CEP70: variants seen among roughly 807,000 people sequenced by gnomAD.
The protein encoded by CEP70 is centrosomal protein of 70 kDa.
Under a neutral mutation model 90.9 loss-of-function variants are expected in CEP70, and 70 were observed. The ratio of observed to expected loss-of-function variants is 0.77; its 90% CI spans 0.64 to 0.94. The LOEUF is 0.94. CEP70 is among the 40% of genes least tolerant of loss of function. The pLI is 0.00. For synonymous variants in CEP70, 220 were observed against 228.3 expected (o/e 0.96, Z 0.33); for missense variants, 648 against 669.0 (o/e 0.97, Z 0.35).
In CEP70 at chr3:138,562,487, G is replaced by C. The variant is rs1054335794; in HGVS notation, c.465+7831C>G. The stretch of plus-strand genomic sequence containing the variant: ...AGGTTGGGGTTACCCACAAAGGGAA[G>C]CCCATCAGACTAACACCAGATCTCT... On this transcript the variant is annotated intron_variant, in intron 6 of 17. Transcript: ENST00000264982. Among the ~76,000 whole-genome samples, 13 of 152,194 alleles carry C rather than the reference G, an allele frequency of 8.5e-5. No homozygotes were observed. In the East Asian group the frequency reaches 2.3e-3, roughly 27 times the overall value.
Position 138,552,214 on chromosome 3 carries a change from C to T in CEP70, c.466-14867G>A, listed in dbSNP as rs183435165. On this transcript the variant is annotated intron_variant, in intron 6 of 17. Transcript: ENST00000264982. The stretch of plus-strand genomic sequence containing the variant: ...ACCTAAGTAATGAGATAGACAGCAA[C>T]ACAATAATAGTGGGGGACTTCAATA... Among the ~76,000 whole-genome samples the T allele has an allele frequency of 3.1e-3, 475 of 152,182 alleles. 4 individuals carry two copies. The highest frequency in any genetic ancestry group is 0.011 in the African/African-American group (452 of 41,520).
At chr3:138,520,938 G>A (rs1471888956) in intron 11 of CEP70, among the ~76,000 whole-genome samples, 6 of 152,162 alleles carry the variant, frequency 3.9e-5, no homozygotes, top group African/African-American at 1.2e-4. Flanking sequence ...CCTGCTGAGT[G>A]CCTGGGATTG....
chr3:138,587,687 G>A (rs1037897828), intron 2 of CEP70, among the ~76,000 whole-genome samples: 2 of 152,088 alleles, frequency 1.3e-5, no homozygotes, highest in Non-Finnish European at 2.9e-5. Context: ...GGCTGAGGTG[G>A]GAAGACAACT....
intron 7 of CEP70, among the ~76,000 whole-genome samples, chr3:138,533,164 C>A (rs1193918050): frequency 1.3e-5 from 2 of 151,780 alleles, no homozygotes; most frequent in Non-Finnish European, 2.9e-5. Context: ...GCCTGTAGTC[C>A]CAGCTACTCG....
intron 6 of CEP70, among the ~76,000 whole-genome samples, chr3:138,548,248 C>T (rs1161123970): frequency 6.6e-6 from 1 of 152,216 alleles, no homozygotes; most frequent in South Asian, 2.1e-4. Flanking sequence ...TAATACACCG[C>T]ATTAGCACAA....
intron 1 of CEP70, chr3:138,592,982 C>G (rs1001397647): frequency 3.3e-5 from 5 of 152,154 alleles, no homozygotes; most frequent in Non-Finnish European, 5.9e-5. Flanking sequence ...TGAACTTACC[C>G]CAAATAGGAA....
At chr3:138,499,628 C>G (rs1164081445) in intron 16 of CEP70, among the ~76,000 whole-genome samples, 1 of 152,086 alleles carries the variant, frequency 6.6e-6, no homozygotes, top group African/African-American at 2.4e-5. Context: ...CTTAGATTGT[C>G]AAGTTACTTA....
chr3:138,578,302 G>T (rs1271304275), intron 2 of CEP70, among the ~76,000 whole-genome samples: 1 of 152,164 alleles, frequency 6.6e-6, no homozygotes, highest in African/African-American at 2.4e-5. Context: ...AAGCTGCATG[G>T]TACCAGCATC....
intron 11 of CEP70, among the ~76,000 whole-genome samples, chr3:138,512,974 ATAGT>A (rs1275041918): frequency 6.6e-5 from 10 of 152,226 alleles, no homozygotes; most frequent in Non-Finnish European, 7.3e-5. Context: ...ACTTTCTAAG[ATAGT>A]TAGTGATGAA....
intron 6 of CEP70, among the ~76,000 whole-genome samples, chr3:138,568,398 T>A (rs540062926): frequency 6.6e-6 from 1 of 152,304 alleles, no homozygotes; most frequent in South Asian, 2.1e-4. Flanking sequence ...ATTAATTACA[T>A]CTCAACCTGT....
chr3:138,511,604 C>T (rs546785665), intron 11 of CEP70, among the ~76,000 whole-genome samples: 2 of 152,278 alleles, frequency 1.3e-5, no homozygotes, highest in South Asian at 2.1e-4. Flanking sequence ...ATTGCATGTA[C>T]TGATCAGTTA....
intron 6 of CEP70, among the ~76,000 whole-genome samples, chr3:138,544,401 C>G (rs1464115202): frequency 6.6e-6 from 1 of 150,904 alleles, no homozygotes; most frequent in Non-Finnish European, 1.5e-5. Flanking sequence ...AAAGAGGAAT[C>G]CTGGTACACT....
At chr3:138,544,443 A>G (rs193080131) in intron 6 of CEP70, among the ~76,000 whole-genome samples, 1 of 152,166 alleles carries the variant, frequency 6.6e-6, no homozygotes, top group East Asian at 1.9e-4. Flanking sequence ...TACAACTACT[A>G]TGGAAAACAG....
intron 1 of CEP70, among the ~76,000 whole-genome samples, chr3:138,592,346 T>C (rs1304319383): frequency 6.6e-6 from 1 of 152,200 alleles, no homozygotes; most frequent in Admixed American, 6.5e-5. Flanking sequence ...CATTTGCACC[T>C]GTGACCAAGC....
intron 2 of CEP70, among the ~76,000 whole-genome samples, chr3:138,587,103 T>C (rs1485928295): frequency 6.6e-6 from 1 of 151,806 alleles, no homozygotes; most frequent in Non-Finnish European, 1.5e-5. Flanking sequence ...CTAAAATACA[T>C]GTAAAACTCT....
chr3:138,581,726 A>C (rs1473812985), intron 2 of CEP70, among the ~76,000 whole-genome samples: 2 of 151,376 alleles, frequency 1.3e-5, no homozygotes, highest in Non-Finnish European at 2.9e-5. Flanking sequence ...GAATAAGAAA[A>C]GAAAAAGGAA....
At chr3:138,536,429 C>T (rs911086416) in intron 7 of CEP70, among the ~76,000 whole-genome samples, 1 of 151,846 alleles carries the variant, frequency 6.6e-6, no homozygotes, top group African/African-American at 2.4e-5. Flanking sequence ...TTGAAACAAA[C>T]CTAACTGCAT....
intron 5 of CEP70, among the ~76,000 whole-genome samples, chr3:138,570,769 A>G (rs1052916573): frequency 2.0e-5 from 3 of 152,184 alleles, no homozygotes; most frequent in African/African-American, 7.2e-5. Context: ...GGTGCTCAAA[A>G]AGTTTCAATT....
At chr3:138,498,191 T>C in intron 16 of CEP70, 81 bp from the exon 17 acceptor site, 2 of 913,526 alleles carry the variant, frequency 2.2e-6, no homozygotes, top group Non-Finnish European at 1.7e-6. Context: ...ATTTTCAAAA[T>C]AGAAACTATA....
Sources: gnomAD v4.1 joint callset for allele counts (sites outside exome capture counted in the v4.1 genomes callset) on GRCh38, gnomAD v4.1.1 for gene constraint, MANE v1.5 for transcripts, NCBI Gene and HGNC (gene_info 2026-07-23, HGNC 2026-07-21) for gene names.